The following GRID2 variants were observed in gnomAD, a reference collection of about 807,000 sequenced individuals.
GRID2 encodes the protein glutamate ionotropic receptor delta type subunit 2.
Under a neutral mutation model 114.8 loss-of-function variants are expected in GRID2, and 33 were observed. The ratio of observed to expected loss-of-function variants is 0.29; its 90% confidence interval spans 0.22 to 0.38. GRID2 has a LOEUF of 0.38. Ranked by LOEUF, GRID2 falls within the 10% of genes least tolerant of loss-of-function variation. GRID2 has a pLI of 1.00. For missense variants in GRID2, 1,184 were observed against 1,257.7 expected (o/e 0.94, Z 0.89); for synonymous variants, 505 against 449.9 (o/e 1.12, Z -1.55).
intron 2 of GRID2, among the ~76,000 whole-genome samples, chr4:93,014,577 A>G (rs1341822166): frequency 1.3e-5 from 2 of 152,092 alleles, no homozygotes; most frequent in Non-Finnish European, 2.9e-5. Flanking sequence ...CAGAAAGGTC[A>G]CTTTTGATGA....
At chr4:93,115,092 T>TTGTG (rs546827152) in intron 4 of GRID2, among the ~76,000 whole-genome samples, 7,045 of 142,692 alleles carry the variant, frequency 0.049, 269 homozygotes, top group East Asian at 0.18. Flanking sequence ...CTGTGTGTGC[T>TTGTG]TGTGTGTGTG....
At chr4:92,770,227 C>T (rs1159448873) in intron 2 of GRID2, among the ~76,000 whole-genome samples, 1 of 152,176 alleles carries the variant, frequency 6.6e-6, no homozygotes, top group Non-Finnish European at 1.5e-5. Flanking sequence ...AAGAGAATCA[C>T]CTTTGTTCCA....
chr4:93,116,389 T>A (rs1229312766), intron 4 of GRID2, among the ~76,000 whole-genome samples: 1 of 152,218 alleles, frequency 6.6e-6, no homozygotes, highest in Non-Finnish European at 1.5e-5. Context: ...AATTTGCTTA[T>A]GTTTTATCAC....
chr4:93,128,027 C>CAAAAAAAAAAAAAAAAAAAAAAAAA (rs1008311457), intron 4 of GRID2, among the ~76,000 whole-genome samples: 3 of 20,344 alleles, frequency 1.5e-4, no homozygotes, highest in African/African-American at 5.0e-4. Context: ...TCCCCCGCAA[C>CAAAAAAAAAAAAAAAAAAAAAAAAA]AAAAAAAAAA....
chr4:93,378,707 T>C (rs1388482114), intron 8 of GRID2, among the ~76,000 whole-genome samples: 1 of 152,128 alleles, frequency 6.6e-6, no homozygotes, highest in Non-Finnish European at 1.5e-5. Flanking sequence ...TTCCAAATTT[T>C]TATTCCAAAT....
At chr4:93,632,503 G>A (rs1185858368) in intron 14 of GRID2, among the ~76,000 whole-genome samples, 2 of 151,982 alleles carry the variant, frequency 1.3e-5, no homozygotes, top group African/African-American at 2.4e-5. Flanking sequence ...TTTTTGTCAG[G>A]TTTGTCAAAG....
intron 4 of GRID2, among the ~76,000 whole-genome samples, chr4:93,138,378 T>A (rs1344106569): frequency 2.0e-5 from 3 of 152,228 alleles, no homozygotes; most frequent in African/African-American, 7.2e-5. Context: ...GCTTATATTA[T>A]GCCCCTTGTG....
At chr4:92,816,625 A>C (rs1740935643) in intron 2 of GRID2, among the ~76,000 whole-genome samples, 1 of 152,162 alleles carries the variant, frequency 6.6e-6, no homozygotes, top group Non-Finnish European at 1.5e-5. Flanking sequence ...TTTCTAAGAA[A>C]TGATGCGTAA....
intron 1 of GRID2, among the ~76,000 whole-genome samples, chr4:92,589,152 A>G (rs939124829): frequency 2.6e-5 from 4 of 152,154 alleles, no homozygotes; most frequent in African/African-American, 9.7e-5. Context: ...GTGAAAAGAT[A>G]AAGCCAGCTC....
chr4:93,560,362 G>A (rs1734806391), intron 13 of GRID2, among the ~76,000 whole-genome samples: 1 of 151,928 alleles, frequency 6.6e-6, no homozygotes, highest in Non-Finnish European at 1.5e-5. Context: ...ATCTTCTGGG[G>A]AGCTTCAGGG....
intron 4 of GRID2, among the ~76,000 whole-genome samples, chr4:93,188,310 G>A (rs551165196): frequency 6.6e-6 from 1 of 152,244 alleles, no homozygotes. Context: ...CTGTGCAGAT[G>A]CCATCATTGT....
At chr4:93,607,453 A>G (rs1420849392) in intron 13 of GRID2, among the ~76,000 whole-genome samples, 1 of 152,128 alleles carries the variant, frequency 6.6e-6, no homozygotes, top group Admixed American at 6.6e-5. Flanking sequence ...ATGACTGATG[A>G]ACATTACCAC....
intron 2 of GRID2, among the ~76,000 whole-genome samples, chr4:93,017,997 G>C (rs1448402381): frequency 6.7e-6 from 1 of 150,328 alleles, no homozygotes; most frequent in Non-Finnish European, 1.5e-5. Flanking sequence ...GGACTTCTTG[G>C]AGGATTACAA....
At chr4:93,670,265 C>T (rs1003424216) in intron 14 of GRID2, among the ~76,000 whole-genome samples, 2 of 152,116 alleles carry the variant, frequency 1.3e-5, no homozygotes, top group African/African-American at 4.8e-5. Context: ...CACCCTGAAA[C>T]TCAAGGTGCA....
chr4:92,996,478 C>T (rs568513264), intron 2 of GRID2, among the ~76,000 whole-genome samples: 2 of 152,034 alleles, frequency 1.3e-5, no homozygotes, highest in African/African-American at 4.8e-5. Context: ...AAGACATAAA[C>T]CTCAAATCTG....
At chr4:92,940,281 C>A (rs1162303918) in intron 2 of GRID2, among the ~76,000 whole-genome samples, 1 of 147,026 alleles carries the variant, frequency 6.8e-6, no homozygotes, top group Non-Finnish European at 1.5e-5. Flanking sequence ...AGGTCCTTCA[C>A]ATCCCTTGTA....
intron 4 of GRID2, among the ~76,000 whole-genome samples, chr4:93,169,670 G>T (rs925719196): frequency 1.4e-4 from 21 of 152,162 alleles, no homozygotes; most frequent in African/African-American, 5.1e-4. Context: ...TTACAAGATT[G>T]AAGTGTATAA....
chr4:93,393,437 T>C (rs1213580707), intron 8 of GRID2, among the ~76,000 whole-genome samples: 2 of 151,980 alleles, frequency 1.3e-5, no homozygotes, highest in Non-Finnish European at 2.9e-5. Context: ...TGAGAGAGTC[T>C]AGCCAAATAT....
At chr4:92,719,247 A>G (rs1158993010) in intron 2 of GRID2, among the ~76,000 whole-genome samples, 2 of 152,126 alleles carry the variant, frequency 1.3e-5, no homozygotes, top group Non-Finnish European at 2.9e-5. Flanking sequence ...TCAGTCTCCC[A>G]AAGTGCTGGG....
Sources: gnomAD v4.1 joint callset for allele counts (sites outside exome capture counted in the v4.1 genomes callset) on GRCh38, gnomAD v4.1.1 for gene constraint, MANE v1.5 for transcripts, NCBI Gene and HGNC (gene_info 2026-07-23, HGNC 2026-07-21) for gene names.